TAFA1: variants seen among roughly 807,000 people sequenced by gnomAD.
TAFA1 encodes the protein TAFA chemokine like family member 1.
TAFA1 carries 4 observed loss-of-function variants against 18.5 expected under a neutral mutation model. The observed-to-expected ratio is 0.22, with a 90% CI of 0.11 to 0.49. TAFA1 has a LOEUF of 0.49. Ranked by LOEUF, TAFA1 falls within the 20% of genes least tolerant of loss-of-function variation. TAFA1 has a pLI of 0.98. For missense variants in TAFA1, 147 were observed against 169.0 expected, an observed-to-expected ratio of 0.87 and a Z score of 0.72; for synonymous variants, 56 against 55.2, an observed-to-expected ratio of 1.01 and a Z score of -0.06.
intron 2 of TAFA1, among the ~76,000 whole-genome samples, chr3:68,361,044 C>G (rs2069458096): frequency 6.6e-6 from 1 of 151,962 alleles, no homozygotes; most frequent in Non-Finnish European, 1.5e-5. Context: ...ACTTTAATTA[C>G]TGTCATCTAA....
intron 2 of TAFA1, among the ~76,000 whole-genome samples, chr3:68,071,232 G>A (rs2064750857): frequency 6.6e-6 from 1 of 152,242 alleles, no homozygotes; most frequent in Non-Finnish European, 1.5e-5. Context: ...CCAAGGAGGA[G>A]GAAGTCACAC....
At chr3:68,251,506 A>G (rs1222418066) in intron 2 of TAFA1, among the ~76,000 whole-genome samples, 2 of 152,258 alleles carry the variant, frequency 1.3e-5, no homozygotes, top group Non-Finnish European at 2.9e-5. Context: ...AATGAAGAAA[A>G]CAAAGATTTG....
At chr3:68,421,698 T>G (rs73109079) in intron 3 of TAFA1, among the ~76,000 whole-genome samples, 22,422 of 152,036 alleles carry the variant, frequency 0.15, 2,176 homozygotes, top group East Asian at 0.33. Context: ...ATTGTGCTGA[T>G]TTTTTTAAGA....
chr3:68,316,144 G>C (rs2068601756), intron 2 of TAFA1, among the ~76,000 whole-genome samples: 1 of 152,180 alleles, frequency 6.6e-6, no homozygotes, highest in Non-Finnish European at 1.5e-5. Flanking sequence ...GCTGAGTAAA[G>C]GCTGTTTTGT....
intron 2 of TAFA1, among the ~76,000 whole-genome samples, chr3:68,407,193 C>G (rs2070628381): frequency 6.6e-6 from 1 of 151,986 alleles, no homozygotes; most frequent in South Asian, 2.1e-4. Context: ...ATAATTCTGA[C>G]CTGGTCAAAG....
chr3:68,417,541 G>C (rs2070863818), intron 3 of TAFA1, 121 bp downstream of exon 3: 1 of 915,026 alleles, frequency 1.1e-6, no homozygotes, highest in Non-Finnish European at 1.6e-6. Context: ...GTGTTAGAAA[G>C]TTATACAATT....
intron 2 of TAFA1, among the ~76,000 whole-genome samples, chr3:68,361,421 G>A (rs1392299344): frequency 6.6e-6 from 1 of 151,938 alleles, no homozygotes; most frequent in Non-Finnish European, 1.5e-5. Context: ...GCCAATGTTC[G>A]ATAGCAGAGT....
At chr3:68,299,219 T>C (rs1490820414) in intron 2 of TAFA1, among the ~76,000 whole-genome samples, 2 of 152,178 alleles carry the variant, frequency 1.3e-5, no homozygotes, top group African/African-American at 4.8e-5. Flanking sequence ...TATGACCTCT[T>C]CATACAGAGC....
At chr3:68,330,495 G>C (rs2068848931) in intron 2 of TAFA1, among the ~76,000 whole-genome samples, 1 of 152,108 alleles carries the variant, frequency 6.6e-6, no homozygotes, top group South Asian at 2.1e-4. Flanking sequence ...GTCTTATTTT[G>C]CTTTGAAATG....
chr3:68,363,972 A>T (rs1171036275), intron 2 of TAFA1, among the ~76,000 whole-genome samples: 2 of 152,164 alleles, frequency 1.3e-5, no homozygotes, highest in Non-Finnish European at 2.9e-5. Context: ...AACTGTTTCC[A>T]GCTGATGGAT....
chr3:68,023,823 T>C (rs569178511), intron 2 of TAFA1, among the ~76,000 whole-genome samples: 3 of 152,286 alleles, frequency 2.0e-5, no homozygotes, highest in Admixed American at 6.5e-5. Context: ...AATTGTCATA[T>C]GGCCCAGCTC....
chr3:68,204,159 A>T (rs2066499510), intron 2 of TAFA1, among the ~76,000 whole-genome samples: 1 of 151,656 alleles, frequency 6.6e-6, no homozygotes, highest in East Asian at 2.0e-4. Flanking sequence ...CTGTGACCTC[A>T]TCTGTTTTAT....
intron 2 of TAFA1, among the ~76,000 whole-genome samples, chr3:68,018,346 TTG>T (rs2106791237): frequency 6.6e-6 from 1 of 152,320 alleles, no homozygotes; most frequent in South Asian, 2.1e-4. Flanking sequence ...ATTGTTATCT[TTG>T]TGCAATGAAA....
At chr3:68,457,858 C>T (rs2071693643) in intron 3 of TAFA1, among the ~76,000 whole-genome samples, 1 of 152,108 alleles carries the variant, frequency 6.6e-6, no homozygotes, top group Non-Finnish European at 1.5e-5. Flanking sequence ...TTTTTAGAGT[C>T]CGCATATAAA....
At chr3:68,150,226 T>TA (rs2065789385) in intron 2 of TAFA1, among the ~76,000 whole-genome samples, 1 of 152,214 alleles carries the variant, frequency 6.6e-6, no homozygotes, top group Admixed American at 6.5e-5. Context: ...TTTCCTAAGA[T>TA]ACAAAGACGA....
intron 2 of TAFA1, among the ~76,000 whole-genome samples, chr3:68,330,019 G>A (rs1491745): frequency 0.42 from 63,098 of 151,896 alleles, 13,469 homozygotes; most frequent in East Asian, 0.63. Context: ...ACTCTTGTGT[G>A]TCCAATTGCA....
At chr3:68,340,727 T>C (rs1195821168) in intron 2 of TAFA1, among the ~76,000 whole-genome samples, 7 of 152,238 alleles carry the variant, frequency 4.6e-5, no homozygotes, top group Non-Finnish European at 7.3e-5. Flanking sequence ...TTTTCTCTAA[T>C]TAATTCAAGT....
At chr3:68,467,811 G>T (rs2071918452) in intron 3 of TAFA1, among the ~76,000 whole-genome samples, 1 of 152,160 alleles carries the variant, frequency 6.6e-6, no homozygotes, top group Non-Finnish European at 1.5e-5. Flanking sequence ...GCAAATTCTT[G>T]CTAAAACGGG....
At chr3:68,069,624 G>T (rs1020302599) in intron 2 of TAFA1, among the ~76,000 whole-genome samples, 1 of 152,112 alleles carries the variant, frequency 6.6e-6, no homozygotes, top group African/African-American at 2.4e-5. Context: ...TAACTCAAAA[G>T]TTCACAGTCC....
Sources: gnomAD v4.1 joint callset for allele counts (sites outside exome capture counted in the v4.1 genomes callset) on GRCh38, gnomAD v4.1.1 for gene constraint, MANE v1.5 for transcripts, NCBI Gene and HGNC (gene_info 2026-07-23, HGNC 2026-07-21) for gene names.